PHACTR2: variants seen among roughly 807,000 people sequenced by gnomAD.
The protein encoded by PHACTR2 is phosphatase and actin regulator 2, also known as chromosome 6 open reading frame 56.
In PHACTR2, 30 loss-of-function variants were observed where a neutral mutation model predicts 76.0. The ratio of observed to expected loss-of-function variants is 0.39; its 90% CI spans 0.30 to 0.54. The LOEUF is 0.54. Ranked by LOEUF, PHACTR2 falls within the 20% of genes least tolerant of loss-of-function variation. PHACTR2 has a pLI of 0.61. For synonymous variants in PHACTR2, 292 were observed against 292.5 expected (o/e 1.00, Z 0.02); for missense variants, 696 against 781.1 (o/e 0.89, Z 1.30).
chr6:143,608,041 C>G (rs1461558677), upstream of PHACTR2: 1 of 515,326 alleles, frequency 1.9e-6, no homozygotes, highest in South Asian at 2.8e-5. This position sits in a 1 kb window ranked among gnomAD's most constrained non-coding sequence, Gnocchi z 4.6. Flanking sequence ...CCCTCCTTAG[C>G]TTAGAGCAGA....
In PHACTR2 at chr6:143,777,799, GT is replaced by G. The variant is rs1324560853; in HGVS notation, c.1645+419del. ...TTATTAACAATACAGTTTGTTGCTA[GT>G]TTAACAAATGGCTCAATTCAAAACA... On this transcript the variant is annotated intron_variant, in intron 9 of 12. Coordinates refer to ENST00000440869, the MANE Select transcript of PHACTR2 (RefSeq NM_001100164.2). The surrounding 1 kb of genome is among the most constrained non-coding windows in gnomAD (Gnocchi z 4.6). Among the ~76,000 whole-genome samples the G allele has an allele frequency of 6.6e-6, 1 of 152,204 alleles. No homozygotes were observed. The highest frequency in any genetic ancestry group is 1.5e-5 in the Non-Finnish European group (1 of 68,040).
At chr6:143,563,286 G>T (rs748008844) in intron 1 of PHACTR2, among the ~76,000 whole-genome samples, 2 of 152,056 alleles carry the variant, frequency 1.3e-5, no homozygotes, top group Non-Finnish European at 2.9e-5. Flanking sequence ...ATCAAGAGAA[G>T]AAACCCGGGG....
In PHACTR2 at chr6:143,809,456, C is replaced by A. The variant is rs9386050; in HGVS notation, c.1922+2323C>A. Among the ~76,000 whole-genome samples, 17,907 of 151,946 alleles carry A rather than the reference C, an allele frequency of 0.12. 1,221 individuals carry two copies. Among genetic ancestry groups the A allele is most frequent in the Middle Eastern group, 0.16 (48 of 294 alleles). On this transcript the variant is annotated intron_variant, in intron 12 of 12. Transcript: ENST00000440869. This position sits in a 1 kb window ranked among gnomAD's most constrained non-coding sequence, Gnocchi z 4.2. ...GAAGTCCTGAGCTCAAGCGATCCTC[C>A]CAGCTCAGTCTACCAAAGTGTTGTG... is the stretch of plus-strand genomic sequence containing the variant.
At chr6:143,703,168 A>G (rs1405274285) in intron 1 of PHACTR2, among the ~76,000 whole-genome samples, 2 of 150,920 alleles carry the variant, frequency 1.3e-5, no homozygotes, top group African/African-American at 4.9e-5. Flanking sequence ...AAAAAAAAAA[A>G]AAAAAAAAAG....
In PHACTR2 at chr6:143,647,957, C is replaced by T. The variant is rs1249506670; in HGVS notation, c.13+39635C>T. On this transcript the variant is annotated intron_variant, in intron 1 of 11. Coordinates refer to the PHACTR2 transcript ENST00000305766. The surrounding 1 kb of genome is among the most constrained non-coding windows in gnomAD (Gnocchi z 4.2). ...GATAAGAAACCAGTGAAGGGTTGGG[C>T]TTGGGGAAGTTGCCCCTGGCTGTGT... 6.6e-6 allele frequency among the ~76,000 whole-genome samples: 1 copy of T among 152,124 alleles called. No homozygotes were observed. The highest frequency in any genetic ancestry group is 1.9e-4 in the East Asian group (1 of 5,192).
In PHACTR2 at chr6:143,595,844, T is replaced by C. The variant is rs912422615; in HGVS notation, c.217+58637T>C. Among the ~76,000 whole-genome samples, 1 of 152,246 alleles carries C rather than the reference T, an allele frequency of 6.6e-6. No homozygotes were observed. The highest frequency in any genetic ancestry group is 1.5e-5 in the Non-Finnish European group (1 of 68,042). ...ACACTGGTGAATCATTACATGCTGA[T>C]GGTGCTATTTAAACATTAATCCTTT... On this transcript the variant is annotated intron_variant, in intron 1 of 11. Transcript: ENST00000367584. This position sits in a 1 kb window ranked among gnomAD's most constrained non-coding sequence, Gnocchi z 4.2.
chr6:143,565,317 A>G (rs35354710), intron 1 of PHACTR2, among the ~76,000 whole-genome samples: 90,514 of 152,144 alleles, frequency 0.59, 27,412 homozygotes, highest in Middle Eastern at 0.72. Context: ...TACAGCAGCA[A>G]GGGAAATTCA....
At chr6:143,560,882 GGTGTGTGTGTGTGTGTGT>G (rs36070460) in intron 1 of PHACTR2, among the ~76,000 whole-genome samples, 502 of 133,090 alleles carry the variant, frequency 3.8e-3, no homozygotes, top group Non-Finnish European at 6.3e-3. Context: ...AAAGCAGAGG[GGTGTGTGTGTGTGTGTGT>G]GTGTGTGTGT....
chr6:143,705,515 C>A (rs181380094), intron 1 of PHACTR2, among the ~76,000 whole-genome samples: 3 of 152,066 alleles, frequency 2.0e-5, no homozygotes, highest in African/African-American at 7.2e-5. Context: ...AAGATGGTCT[C>A]GATCTCCTGA....
rs143039366 is a variant in PHACTR2 at position 143,671,939 on chromosome 6, A to G, written c.14-40077A>G. Among the ~76,000 whole-genome samples, 688 of 152,048 alleles carry G rather than the reference A, an allele frequency of 4.5e-3. 4 individuals carry two copies. Among genetic ancestry groups the G allele is most frequent in the African/African-American group, 0.015 (629 of 41,552 alleles). On this transcript the variant is annotated intron_variant, in intron 1 of 11. Transcript: ENST00000305766. The surrounding 1 kb of genome is among the most constrained non-coding windows in gnomAD (Gnocchi z 4.6). ...GATACACAGAGCAACATGGATGAAT[A>G]TCAAAAACATATGAAACAAGCCAGA... is the stretch of plus-strand genomic sequence containing the variant.
chr6:143,627,823 G>T lies in PHACTR2; in HGVS notation c.13+19501G>T, dbSNP rs747628274. Among the ~76,000 whole-genome samples, 2 of 151,902 alleles carry T rather than the reference G, an allele frequency of 1.3e-5. No homozygotes were observed. Among genetic ancestry groups the T allele is most frequent in the South Asian group, 4.2e-4 (2 of 4,816 alleles). ...TCACTATGTTAGCCAGGTTGGTCTC[G>T]ATCTCCTGACCTTGTGATCCGCCCA... is the stretch of plus-strand genomic sequence containing the variant. On this transcript the variant is annotated intron_variant, in intron 1 of 11. Coordinates refer to the PHACTR2 transcript ENST00000305766. The surrounding 1 kb of genome is among the most constrained non-coding windows in gnomAD (Gnocchi z 4.3).
Position 143,688,237 on chromosome 6 carries a change from G to A in PHACTR2, c.46+10028G>A, listed in dbSNP as rs1486505209. 6.6e-6 allele frequency among the ~76,000 whole-genome samples: 1 copy of A among 151,814 alleles called. No homozygotes were observed. The highest frequency in any genetic ancestry group is 1.5e-5 in the Non-Finnish European group (1 of 67,970). On this transcript the variant is annotated intron_variant, in intron 1 of 12. Transcript: ENST00000440869. This position sits in a 1 kb window ranked among gnomAD's most constrained non-coding sequence, Gnocchi z 5.2. Reference sequence around the variant, plus strand: ...ATTGCTTTGCCTCCGGAGATGAGTTGGCCTGCCGCATGCAGTATAGATTTC... The same window carrying A: ...ATTGCTTTGCCTCCGGAGATGAGTTAGCCTGCCGCATGCAGTATAGATTTC...
chr6:143,678,180 T>C lies in PHACTR2; in HGVS notation c.17T>C (p.Val6Ala). 6.5e-7 allele frequency: 1 copy of C among 1,539,584 alleles called. No individual in the cohort carries two copies. The highest frequency in any genetic ancestry group is 8.8e-7 in the Non-Finnish European group (1 of 1,142,328). MGQTS[V>A]STLSPQPGSV... ...ACCCCAGTCATGGGCCAGACCTCGG[T>C]GTCCACGCTGTCCCCGCAGCCCGGC... is the stretch of plus-strand genomic sequence containing the variant. Residue 6 changes from valine to alanine, a missense_variant, in exon 1 of 13, where the codon GTG becomes GCG. Val to Ala is a moderately conservative substitution (Grantham distance 64). This residue lies in a region of PHACTR2 where 460 missense variants were observed against 450.9 expected (regional missense o/e 1.02). Coordinates refer to ENST00000440869, the MANE Select transcript of PHACTR2 (RefSeq NM_001100164.2). This position sits in a 1 kb window ranked among gnomAD's most constrained non-coding sequence, Gnocchi z 6.2.
At chr6:143,564,930 A>G (rs1418492262) in intron 1 of PHACTR2, among the ~76,000 whole-genome samples, 1 of 152,286 alleles carries the variant, frequency 6.6e-6, no homozygotes, top group East Asian at 1.9e-4. Context: ...CCCCTTTTCT[A>G]CAAAGGAAAA....
Position 143,757,818 on chromosome 6 carries a change from C to G in PHACTR2, c.455-2583C>G, listed in dbSNP as rs186421496. ...GTCAATAACTATTAGACAGTCAGTC[C>G]CATTCGTTGAATAGACATAGTGTTT... is the stretch of plus-strand genomic sequence containing the variant. On this transcript the variant is annotated intron_variant, in intron 4 of 12. Coordinates refer to ENST00000440869, the MANE Select transcript of PHACTR2 (RefSeq NM_001100164.2). This position sits in a 1 kb window ranked among gnomAD's most constrained non-coding sequence, Gnocchi z 4.2. Among the ~76,000 whole-genome samples the G allele has an allele frequency of 4.5e-3, 687 of 152,232 alleles. 3 individuals carry two copies. The highest frequency in any genetic ancestry group is 0.016 in the African/African-American group (652 of 41,536).
upstream of PHACTR2, among the ~76,000 whole-genome samples, chr6:143,674,171 T>G (rs1777202765): frequency 6.6e-6 from 1 of 152,188 alleles, no homozygotes; most frequent in African/African-American, 2.4e-5. This position sits in a 1 kb window ranked among gnomAD's most constrained non-coding sequence, Gnocchi z 4.9. Flanking sequence ...AAGTAAACAT[T>G]AGTTACATAT....
chr6:143,730,262 G>A lies in PHACTR2; in HGVS notation c.214+18079G>A, dbSNP rs576284054. Among the ~76,000 whole-genome samples, 1 of 152,222 alleles carries A rather than the reference G, an allele frequency of 6.6e-6. No homozygotes were observed. Among genetic ancestry groups the A allele is most frequent in the Admixed American group, 6.5e-5 (1 of 15,294 alleles). On this transcript the variant is annotated intron_variant, in intron 2 of 12. Coordinates refer to ENST00000440869, the MANE Select transcript of PHACTR2 (RefSeq NM_001100164.2). The surrounding 1 kb of genome is among the most constrained non-coding windows in gnomAD (Gnocchi z 4.8). Reference sequence around the variant, plus strand: ...TAAACTGCATTAAATCTATGCTGCAGTTTGGGTAGAACTGATACCTATACC... The same window carrying A: ...TAAACTGCATTAAATCTATGCTGCAATTTGGGTAGAACTGATACCTATACC...
chr6:143,812,297 A>T (rs1039095064), intron 12 of PHACTR2, among the ~76,000 whole-genome samples: 3 of 152,242 alleles, frequency 2.0e-5, no homozygotes, highest in African/African-American at 7.2e-5. Flanking sequence ...TTTTTGAAAC[A>T]TTATGAATGT....
At position 143,610,357 on chromosome 6, in the gene PHACTR2, A is replaced by T. The variant is rs552842985; in HGVS notation, c.13+2035A>T. Among the ~76,000 whole-genome samples, 1 of 152,220 alleles carries T rather than the reference A, an allele frequency of 6.6e-6. No homozygotes were observed. Among genetic ancestry groups the T allele is most frequent in the Non-Finnish European group, 1.5e-5 (1 of 68,040 alleles). On this transcript the variant is annotated intron_variant, in intron 1 of 11. Transcript: ENST00000305766. The surrounding 1 kb of genome is among the most constrained non-coding windows in gnomAD (Gnocchi z 4.9). ...TCTCCAATTTAATTTAAAGAAGATA[A>T]TGATGTTGAGTATTTGCCTAAATTT...
Sources: allele counts gnomAD v4.1 joint callset (sites outside exome capture counted in the v4.1 genomes callset), GRCh38; gene constraint gnomAD v4.1.1; regional missense constraint gnomAD v4.1.1; non-coding constraint Gnocchi (gnomAD v3.1); transcripts MANE v1.5; gene names NCBI Gene and HGNC (gene_info 2026-07-23, HGNC 2026-07-21).